The following ITPK1 variants were observed in gnomAD, a reference collection of about 807,000 sequenced individuals.
ITPK1 encodes the protein inositol 1,3,4-trisphosphate 5/6-kinase.
Under a neutral mutation model 45.3 loss-of-function variants are expected in ITPK1, and 21 were observed. The ratio of observed to expected loss-of-function variants is 0.46; its 90% CI spans 0.33 to 0.67. The LOEUF (loss-of-function observed/expected upper bound fraction) is 0.67. ITPK1 is among the 30% of genes least tolerant of loss of function. The probability of loss-of-function intolerance (pLI) is 0.02; values close to 1 mark genes in which losing one functional copy is unlikely to be tolerated. For missense variants in ITPK1, 474 were observed against 573.5 expected (o/e 0.83, Z 1.77); for synonymous variants, 258 against 253.6 (o/e 1.02, Z -0.16).
At chr14:92,990,946 C>G (rs544443964) in intron 5 of ITPK1, among the ~76,000 whole-genome samples, 1 of 152,168 alleles carries the variant, frequency 6.6e-6, no homozygotes, top group African/African-American at 2.4e-5. Flanking sequence ...CCGTCCCCCA[C>G]CAGCTCTGTT....
intron 3 of ITPK1, among the ~76,000 whole-genome samples, chr14:93,035,303 C>T (rs566899892): frequency 3.9e-4 from 60 of 152,224 alleles, no homozygotes; most frequent in Non-Finnish European, 7.8e-4. Flanking sequence ...AAAATGGAGG[C>T]TCTTCCAGAA....
chr14:93,107,694 T>C (rs1837245312), intron 2 of ITPK1, among the ~76,000 whole-genome samples: 3 of 152,080 alleles, frequency 2.0e-5, no homozygotes, highest in African/African-American at 7.2e-5. Flanking sequence ...GTGAGAGTGA[T>C]TCTTGACGCT....
chr14:93,045,908 C>T (rs1889751328), intron 3 of ITPK1, among the ~76,000 whole-genome samples: 1 of 152,162 alleles, frequency 6.6e-6, no homozygotes, highest in Non-Finnish European at 1.5e-5. Context: ...CTCCCCAGTG[C>T]CCCCAAATGA....
intron 5 of ITPK1, among the ~76,000 whole-genome samples, chr14:92,979,073 T>A (rs941736773): frequency 5.3e-5 from 8 of 152,210 alleles, no homozygotes; most frequent in African/African-American, 7.2e-5. Flanking sequence ...TGTGAGCCCA[T>A]CCTTTGCATC....
At position 93,076,403 on chromosome 14, in the gene ITPK1, C is replaced by T. The variant is rs1050551037; in HGVS notation, c.120+192G>A. ...CAAAGCCACAGCAACCCTCCAAACC[C>T]GAGAAGCCCCTGTCGGAGTCTGCCC... On this transcript the variant is annotated intron_variant, in intron 3 of 10. Coordinates refer to ENST00000267615, the MANE Select transcript of ITPK1 (RefSeq NM_014216.6). This position sits in a 1 kb window ranked among gnomAD's most constrained non-coding sequence, Gnocchi z 4.3. Among the ~76,000 whole-genome samples the T allele has an allele frequency of 1.3e-5, 2 of 152,088 alleles. No individual in the cohort carries two copies. The highest frequency in any genetic ancestry group is 4.8e-5 in the African/African-American group (2 of 41,400).
intron 7 of ITPK1, among the ~76,000 whole-genome samples, chr14:92,960,494 C>T (rs1452037658): frequency 3.9e-5 from 6 of 152,198 alleles, no homozygotes; most frequent in African/African-American, 1.4e-4. Flanking sequence ...CTCTGGGTGG[C>T]TGGGTAATTT....
chr14:93,055,151 T>C (rs1303656956), intron 3 of ITPK1, among the ~76,000 whole-genome samples: 2 of 152,200 alleles, frequency 1.3e-5, no homozygotes, highest in Non-Finnish European at 2.9e-5. Flanking sequence ...CACTGCTGTA[T>C]TCGATACAAC....
chr14:92,991,701 C>T (rs1886796529), intron 5 of ITPK1, among the ~76,000 whole-genome samples: 1 of 152,064 alleles, frequency 6.6e-6, no homozygotes. Context: ...TCCTACGGTC[C>T]ACCTCATCAC....
chr14:93,053,123 A>G (rs1195131205), intron 3 of ITPK1, among the ~76,000 whole-genome samples: 1 of 152,078 alleles, frequency 6.6e-6, no homozygotes, highest in Non-Finnish European at 1.5e-5. Context: ...AACTTAAAGT[A>G]TAATAAAAAA....
intron 2 of ITPK1, among the ~76,000 whole-genome samples, chr14:93,088,297 G>T (rs1891725938): frequency 1.3e-5 from 2 of 151,888 alleles, no homozygotes; most frequent in Non-Finnish European, 2.9e-5. Context: ...AGCAACCACT[G>T]GGTGGGTACA....
chr14:93,004,556 G>A (rs1412147717), intron 4 of ITPK1, among the ~76,000 whole-genome samples: 2 of 151,934 alleles, frequency 1.3e-5, no homozygotes, highest in Non-Finnish European at 2.9e-5. Flanking sequence ...GTGAGTGCGT[G>A]TGTGTGTATG....
Position 93,103,529 on chromosome 14 carries a change from C to T in ITPK1, c.95+11540G>A, listed in dbSNP as rs370669693. ...CAGTGGTGAGACAACTGCCCTGAAG[C>T]TCTCCCTAAGACTGACCCTGGGGCT... is the stretch of plus-strand genomic sequence containing the variant. On this transcript the variant is annotated intron_variant, in intron 2 of 10. Coordinates refer to ENST00000267615, the MANE Select transcript of ITPK1 (RefSeq NM_014216.6). Among the ~76,000 whole-genome samples the T allele has an allele frequency of 2.0e-5, 3 of 152,312 alleles. No homozygotes were observed. The South Asian group carries it at 6.2e-4, about 32-fold the overall frequency.
At chr14:93,043,739 C>T (rs745455708) in intron 3 of ITPK1, among the ~76,000 whole-genome samples, 10 of 152,194 alleles carry the variant, frequency 6.6e-5, no homozygotes, top group Non-Finnish European at 1.2e-4. Context: ...CTGTTCCAAG[C>T]GCACGTCATG....
rs1891205947 is a variant in ITPK1 at position 93,076,022 on chromosome 14, C to T, written c.120+573G>A. Among the ~76,000 whole-genome samples the T allele has an allele frequency of 2.0e-5, 3 of 151,916 alleles. No individual in the cohort carries two copies. Among genetic ancestry groups the T allele is most frequent in the Admixed American group, 2.0e-4 (3 of 15,252 alleles). On this transcript the variant is annotated intron_variant, in intron 3 of 10. Coordinates refer to ENST00000267615, the MANE Select transcript of ITPK1 (RefSeq NM_014216.6). The surrounding 1 kb of genome is among the most constrained non-coding windows in gnomAD (Gnocchi z 4.3). ...GAGTATTTTGATGTTTCCTTCTTCC[C>T]CCTCCATCCATCCTTCCCTCTTCTC...
intron 3 of ITPK1, among the ~76,000 whole-genome samples, chr14:93,030,431 TTTCA>T (rs200957653): frequency 0.027 from 4,075 of 152,278 alleles, 97 homozygotes; most frequent in Admixed American, 0.084. Flanking sequence ...CTTTTCTTTC[TTTCA>T]TTCATTCATT....
At chr14:93,030,706 G>C (rs1888998419) in intron 3 of ITPK1, among the ~76,000 whole-genome samples, 1 of 152,162 alleles carries the variant, frequency 6.6e-6, no homozygotes, top group South Asian at 2.1e-4. Flanking sequence ...GCCTGGTACA[G>C]GCTAAACTGT....
chr14:92,960,090 T>C (rs1207231563), intron 7 of ITPK1, among the ~76,000 whole-genome samples: 1 of 152,226 alleles, frequency 6.6e-6, no homozygotes, highest in Non-Finnish European at 1.5e-5. Flanking sequence ...AATGCTAACA[T>C]GCCCCGTCTG....
At chr14:92,962,530 C>T (rs562807991) in intron 6 of ITPK1, 135 bp from the exon 7 acceptor site, 19 of 764,470 alleles carry the variant, frequency 2.5e-5, no homozygotes, top group African/African-American at 1.4e-4. Context: ...CTGAGGGTGA[C>T]GTGTGGGTAG....
intron 3 of ITPK1, among the ~76,000 whole-genome samples, chr14:93,042,411 A>G (rs76496696): frequency 0.027 from 4,173 of 152,272 alleles, 97 homozygotes; most frequent in Admixed American, 0.085. Context: ...TGCCTGGCAC[A>G]TGTTTGGGTC....
Sources: allele counts gnomAD v4.1 joint callset (sites outside exome capture counted in the v4.1 genomes callset), GRCh38; gene constraint gnomAD v4.1.1; non-coding constraint Gnocchi (gnomAD v3.1); transcripts MANE v1.5; gene names NCBI Gene and HGNC (gene_info 2026-07-23, HGNC 2026-07-21).